Variants in ZSWIM6 observed in about 807,000 individuals in gnomAD.
The protein encoded by ZSWIM6 is zinc finger SWIM domain-containing protein 6.
ZSWIM6 carries 9 observed loss-of-function variants against 113.2 expected under a neutral mutation model. That is an observed-to-expected ratio of 0.08 (90% CI 0.05 to 0.14). ZSWIM6 has a LOEUF of 0.14. Among genes scored for constraint, ZSWIM6 ranks in the 10% least tolerant of loss-of-function variants. The probability of loss-of-function intolerance (pLI) is 1.00; values close to 1 mark genes in which losing one functional copy is unlikely to be tolerated. For synonymous variants in ZSWIM6, 611 were observed against 606.5 expected, an observed-to-expected ratio of 1.01 and a Z score of -0.11; for missense variants, 1,162 against 1,552.2, an observed-to-expected ratio of 0.75 and a Z score of 4.22.
intron 1 of ZSWIM6, among the ~76,000 whole-genome samples, chr5:61,395,173 GC>G (rs1579973655): frequency 6.6e-6 from 1 of 152,092 alleles, no homozygotes. Flanking sequence ...TGGAAGGTGA[GC>G]AGAAAGAATC....
chr5:61,359,747 T>G (rs751875046), intron 1 of ZSWIM6, among the ~76,000 whole-genome samples: 7 of 152,182 alleles, frequency 4.6e-5, no homozygotes, highest in Non-Finnish European at 2.9e-5. Flanking sequence ...GGCCAGGTAG[T>G]GATCTAAAGT....
At chr5:61,357,465 C>T (rs1744939399) in intron 1 of ZSWIM6, among the ~76,000 whole-genome samples, 1 of 151,872 alleles carries the variant, frequency 6.6e-6, no homozygotes, top group Non-Finnish European at 1.5e-5. Context: ...GAAACACTAC[C>T]TAAAGAAGAG....
intron 1 of ZSWIM6, among the ~76,000 whole-genome samples, chr5:61,345,920 G>A (rs1253749803): frequency 1.3e-5 from 2 of 152,142 alleles, no homozygotes; most frequent in African/African-American, 4.8e-5. Flanking sequence ...ACAACAGAAG[G>A]CAGATGTTTT....
At chr5:61,362,695 A>G (rs529454528) in intron 1 of ZSWIM6, among the ~76,000 whole-genome samples, 20 of 152,176 alleles carry the variant, frequency 1.3e-4, no homozygotes, top group African/African-American at 4.8e-4. Flanking sequence ...CTTTTCTTAG[A>G]TTATGCCAAT....
At chr5:61,520,126 A>G (rs1290748787) in intron 4 of ZSWIM6, among the ~76,000 whole-genome samples, 8 of 152,154 alleles carry the variant, frequency 5.3e-5, no homozygotes, top group Non-Finnish European at 1.2e-4. Flanking sequence ...CCCCGCCCTA[A>G]TGGAAGAAGC....
At chr5:61,499,573 C>T (rs1483264286) in intron 4 of ZSWIM6, among the ~76,000 whole-genome samples, 3 of 151,926 alleles carry the variant, frequency 2.0e-5, no homozygotes, top group Non-Finnish European at 1.5e-5. Context: ...TTATAGAAAC[C>T]AAATTTAATA....
chr5:61,421,974 G>T (rs1357078345), intron 1 of ZSWIM6, among the ~76,000 whole-genome samples: 1 of 152,158 alleles, frequency 6.6e-6, no homozygotes, highest in Non-Finnish European at 1.5e-5. Flanking sequence ...CTTGTCAGGT[G>T]GGTAGTTTGC....
intron 1 of ZSWIM6, among the ~76,000 whole-genome samples, chr5:61,341,961 C>T (rs1020671992): frequency 6.7e-6 from 1 of 149,414 alleles, no homozygotes; most frequent in African/African-American, 2.5e-5. Context: ...CTTACTGCAG[C>T]CTCTGCCTCC....
intron 1 of ZSWIM6, among the ~76,000 whole-genome samples, chr5:61,454,419 C>A (rs910083619): frequency 6.6e-6 from 1 of 151,774 alleles, no homozygotes; most frequent in East Asian, 1.9e-4. Flanking sequence ...TCACACCCAA[C>A]TAATTTTTAA....
At chr5:61,390,355 T>G (rs1174893190) in intron 1 of ZSWIM6, among the ~76,000 whole-genome samples, 1 of 152,258 alleles carries the variant, frequency 6.6e-6, no homozygotes, top group Non-Finnish European at 1.5e-5. Flanking sequence ...TGACTAGCAT[T>G]GTACTCAAAT....
chr5:61,448,006 T>C, intron 1 of ZSWIM6, among the ~76,000 whole-genome samples: 1 of 152,170 alleles, frequency 6.6e-6, no homozygotes, highest in East Asian at 1.9e-4. Context: ...GGGTCTGGTG[T>C]CTCATTATCC....
At chr5:61,437,669 A>T (rs529273900) in intron 1 of ZSWIM6, among the ~76,000 whole-genome samples, 3 of 147,356 alleles carry the variant, frequency 2.0e-5, no homozygotes, top group African/African-American at 7.5e-5. Context: ...GTAAGCTGTG[A>T]TCATGCCACT....
chr5:61,525,084 G>A (rs1749241012), intron 5 of ZSWIM6, among the ~76,000 whole-genome samples: 1 of 152,192 alleles, frequency 6.6e-6, no homozygotes, highest in Admixed American at 6.5e-5. Flanking sequence ...CATACACTAT[G>A]CTGGGGACAT....
At chr5:61,507,111 A>T (rs1185611760) in intron 4 of ZSWIM6, among the ~76,000 whole-genome samples, 1 of 152,066 alleles carries the variant, frequency 6.6e-6, no homozygotes, top group Non-Finnish European at 1.5e-5. Flanking sequence ...CCCAGTCCCC[A>T]CTGTTAATGG....
rs1242791023 is a variant in ZSWIM6 at position 61,487,364 on chromosome 5, CT to C, written c.1034-3419del. Among the ~76,000 whole-genome samples the C allele has an allele frequency of 5.3e-5, 8 of 151,868 alleles. No individual in the cohort carries two copies. The East Asian group carries it at 7.7e-4, about 15-fold the overall frequency. The stretch of plus-strand genomic sequence containing the variant: ...TTGTTCTTTTTATTTATTTGGATTG[CT>C]TTGGCTATTTGGCCTCTTTTTTTGG... On this transcript the variant is annotated intron_variant, in intron 2 of 13. Transcript: ENST00000252744.
chr5:61,440,806 A>T (rs1262768212), intron 1 of ZSWIM6, among the ~76,000 whole-genome samples: 1 of 152,180 alleles, frequency 6.6e-6, no homozygotes. Context: ...CGTGCCAGCC[A>T]TGTGCCTGGT....
At chr5:61,389,503 C>T (rs979866051) in intron 1 of ZSWIM6, among the ~76,000 whole-genome samples, 5 of 134,084 alleles carry the variant, frequency 3.7e-5, no homozygotes, top group African/African-American at 8.7e-5. Flanking sequence ...TGCAGCCAGC[C>T]GAGATTGCAC....
intron 1 of ZSWIM6, among the ~76,000 whole-genome samples, chr5:61,400,611 C>G (rs556934351): frequency 6.6e-6 from 1 of 152,298 alleles, no homozygotes; most frequent in South Asian, 2.1e-4. Context: ...TATAGATGGG[C>G]AGCTTATTTT....
At chr5:61,340,700 A>G (rs1744524862) in intron 1 of ZSWIM6, among the ~76,000 whole-genome samples, 2 of 152,108 alleles carry the variant, frequency 1.3e-5, no homozygotes, top group Non-Finnish European at 2.9e-5. Flanking sequence ...TATTTTTCCT[A>G]CTGTTTGGGC....
Sources: gnomAD v4.1 joint callset for allele counts (sites outside exome capture counted in the v4.1 genomes callset) on GRCh38, gnomAD v4.1.1 for gene constraint, MANE v1.5 for transcripts, NCBI Gene and HGNC (gene_info 2026-07-23, HGNC 2026-07-21) for gene names.